Variants in BOK observed in about 807,000 individuals in gnomAD.
BOK encodes BCL2 family apoptosis regulator BOK.
In BOK, 20 loss-of-function variants were observed where a neutral mutation model predicts 18.3. The observed-to-expected ratio is 1.09, with a 90% CI of 0.77 to 1.59. The LOEUF is 1.59. Among genes scored for constraint, BOK ranks in the 40% most tolerant of loss-of-function variants. The pLI is 0.00. For synonymous variants in BOK, 173 were observed against 142.4 expected, an observed-to-expected ratio of 1.21 and a Z score of -1.53; for missense variants, 348 against 307.9, an observed-to-expected ratio of 1.13 and a Z score of -0.97.
chr2:241,552,649 T>C (rs544156594), intron 1 of BOK, among the ~76,000 whole-genome samples: 1 of 152,292 alleles, frequency 6.6e-6, no homozygotes, highest in African/African-American at 2.4e-5. Flanking sequence ...AAGTATGTAC[T>C]TTCCCCTGCA....
intron 3 of BOK, among the ~76,000 whole-genome samples, chr2:241,564,314 T>C (rs1005800145): frequency 4.6e-5 from 7 of 152,254 alleles, no homozygotes; most frequent in Non-Finnish European, 1.0e-4. Context: ...GGAACCAAGC[T>C]GGGTGCGGGC....
chr2:241,573,281 C>G lies in BOK; in HGVS notation c.*859C>G, dbSNP rs1157420909. On this transcript the variant is annotated 3_prime_UTR_variant, in exon 5 of 5. Coordinates refer to ENST00000318407, the MANE Select transcript of BOK (RefSeq NM_032515.5). ...GGTGAAGGGGCCCGGAACACCTCCT[C>G]TCACCTGAGCCCCAGGTGAAGGGGC... 11 of 149,208 alleles carry G rather than the reference C, an allele frequency of 7.4e-5. No homozygotes were observed. Among genetic ancestry groups the G allele is most frequent in the African/African-American group, 2.0e-4 (8 of 40,406 alleles). 9.2% of individuals were successfully genotyped at this position (149,208 alleles called of 1,614,324 possible). A position where few individuals can be genotyped will look rare whatever the true frequency, so the allele number is the denominator to read the frequency against.
At chr2:241,563,631 C>G (rs957005231) in intron 3 of BOK, among the ~76,000 whole-genome samples, 2 of 152,210 alleles carry the variant, frequency 1.3e-5, no homozygotes, top group Non-Finnish European at 2.9e-5. Flanking sequence ...GCCTTGCACA[C>G]CCTTGTCTGG....
chr2:241,570,297 C>G lies in BOK; in HGVS notation c.513+9C>G. ...GGAGACGCGGCGGATGGGTGAGCGC[C>G]TGAGTGCCCGTGTGGGTGGGAGAGC... On this transcript the variant is annotated intron_variant, in intron 4 of 4. Transcript: ENST00000318407. 6.5e-7 allele frequency: 1 copy of G among 1,548,380 alleles called. No homozygotes were observed.
Position 241,553,508 on chromosome 2 carries a change from G to A in BOK, n.54+2031G>A, listed in dbSNP as rs190871322. Among the ~76,000 whole-genome samples the A allele has an allele frequency of 7.9e-5, 12 of 152,326 alleles. No individual in the cohort carries two copies. In the East Asian group the frequency reaches 2.3e-3, roughly 29 times the overall value. Reference sequence around the variant, plus strand: ...TAATTGGCTCACGGTTCCACAGGCTGTACAGGAAGCATGGCTGGGAGGCCT... The same window carrying A: ...TAATTGGCTCACGGTTCCACAGGCTATACAGGAAGCATGGCTGGGAGGCCT... On this transcript the variant is annotated intron_variant and non_coding_transcript_variant, in intron 1 of 1. Coordinates refer to the BOK transcript ENST00000641230.
At chr2:241,571,860 G>A (rs1209492427) in intron 4 of BOK, among the ~76,000 whole-genome samples, 1 of 152,250 alleles carries the variant, frequency 6.6e-6, no homozygotes, top group Non-Finnish European at 1.5e-5. Context: ...AATGAAGCTG[G>A]GTTTGCCCCT....
At chr2:241,569,758 T>G (rs2066676510) in intron 3 of BOK, among the ~76,000 whole-genome samples, 1 of 152,210 alleles carries the variant, frequency 6.6e-6, no homozygotes, top group African/African-American at 2.4e-5. Context: ...GGCCTCAGCT[T>G]CTTTATGTGT....
chr2:241,565,574 C>G (rs74581455), intron 3 of BOK, among the ~76,000 whole-genome samples: 4 of 152,008 alleles, frequency 2.6e-5, no homozygotes, highest in African/African-American at 4.8e-5. Flanking sequence ...CTCTGACCCC[C>G]GGTCTTCCTC....
In BOK at chr2:241,562,214, A is replaced by G. The variant is rs75732445; in HGVS notation, c.221-134A>G. ...CAGATGGGGTCAAGTGGAGGTGGGA[A>G]TCAGACAAGTGAGGAACAGGCTGGA... On this transcript the variant is annotated intron_variant, in intron 2 of 4. Transcript: ENST00000318407. The surrounding 1 kb of genome is among the most constrained non-coding windows in gnomAD (Gnocchi z 4.5). 1,394 of 1,200,872 alleles carry G rather than the reference A, an allele frequency of 1.2e-3. 9 individuals carry two copies. In the African/African-American group the frequency reaches 0.02, roughly 17 times the overall value. 74.4% of individuals were successfully genotyped at this position (1,200,872 alleles called of 1,614,324 possible).
rs532578700 is a variant in BOK, at chr2:241,572,562, G to A, written c.*140G>A. On this transcript the variant is annotated 3_prime_UTR_variant, in exon 5 of 5. Transcript: ENST00000318407. ...GAGACCCCCTAAGCCCCGTTCCTCC[G>A]CAGACCCAGGCCCTCCGGAAGGGGT... The A allele has an allele frequency of 6.9e-6, 9 of 1,299,854 alleles. No individual in the cohort carries two copies. Among genetic ancestry groups the A allele is most frequent in the African/African-American group, 3.0e-5 (2 of 67,690 alleles). 80.5% of individuals were successfully genotyped at this position (1,299,854 alleles called of 1,614,324 possible). A position where few individuals can be genotyped will look rare whatever the true frequency, so the allele number is the denominator to read the frequency against.
intron 3 of BOK, among the ~76,000 whole-genome samples, chr2:241,566,059 T>C (rs896637983): frequency 6.6e-6 from 1 of 151,896 alleles, no homozygotes; most frequent in Non-Finnish European, 1.5e-5. Context: ...CCGAGGTGGG[T>C]GGATCACCTG....
At chr2:241,559,217 G>C (rs1297285027) in intron 1 of BOK, among the ~76,000 whole-genome samples, 3 of 151,692 alleles carry the variant, frequency 2.0e-5, no homozygotes, top group Non-Finnish European at 4.4e-5. Context: ...CGGCCCCGGA[G>C]CAAACCGCCG....
chr2:241,564,979 C>T (rs533543783), intron 3 of BOK, among the ~76,000 whole-genome samples: 19 of 152,196 alleles, frequency 1.2e-4, no homozygotes, highest in South Asian at 1.0e-3. Flanking sequence ...GAGGTGGGGG[C>T]GGTGCCTAGG....
Position 241,570,219 on chromosome 2 carries a change from C to T in BOK, c.444C>T (p.Ala148=), listed in dbSNP as rs1393700497. ...AGGCCCAGCCTGCCATGGTCCACGC[C>T]CTCGTGGACTGCCTGGGGGAGTTCG... ...VRQAQPAMVH[A]LVDCLGEFVR... is the part of the protein sequence containing the mutation. Residue 148 remains alanine, a synonymous_variant, in exon 4 of 5, where the codon GCC becomes GCT. Coordinates refer to ENST00000318407, the MANE Select transcript of BOK (RefSeq NM_032515.5). 3.7e-6 allele frequency: 6 copies of T among 1,602,430 alleles called. No homozygotes were observed. The highest frequency in any genetic ancestry group is 2.2e-5 in the East Asian group (1 of 44,540).
rs186824499 is a variant in BOK at position 241,552,165 on chromosome 2, C to T, written n.54+688C>T. Among the ~76,000 whole-genome samples the T allele has an allele frequency of 2.6e-3, 400 of 152,272 alleles. 1 individual carries two copies. The highest frequency in any genetic ancestry group is 4.5e-3 in the Non-Finnish European group (305 of 68,004). On this transcript the variant is annotated intron_variant and non_coding_transcript_variant, in intron 1 of 1. Transcript: ENST00000641230. ...CCTCAGGAGCATTTTGAAAGGAGAACGAGAGGTGTGGCCCACCCACAAGCG... is the reference window on the plus strand; with the variant it reads ...CCTCAGGAGCATTTTGAAAGGAGAATGAGAGGTGTGGCCCACCCACAAGCG...
At chr2:241,568,303 G>C (rs1229015113) in intron 3 of BOK, among the ~76,000 whole-genome samples, 5 of 151,792 alleles carry the variant, frequency 3.3e-5, no homozygotes, top group Non-Finnish European at 7.4e-5. Context: ...TGTGTTTTTA[G>C]TAGAGATGGG....
chr2:241,561,447 C>A (rs1360869069), intron 2 of BOK, among the ~76,000 whole-genome samples: 1 of 147,004 alleles, frequency 6.8e-6, no homozygotes, highest in Admixed American at 6.7e-5. Flanking sequence ...GCCCAGCCAG[C>A]CCAGGTGGGA....
chr2:241,557,745 C>T (rs1420554187), upstream of BOK, among the ~76,000 whole-genome samples: 1 of 152,074 alleles, frequency 6.6e-6, no homozygotes, highest in African/African-American at 2.4e-5. Context: ...TGATTATTGA[C>T]CCATTGATTA....
intron 2 of BOK, chr2:241,560,295 A>T: frequency 1.0e-6 from 1 of 982,684 alleles, no homozygotes; most frequent in Non-Finnish European, 1.2e-6. Context: ...GACCAGCCCC[A>T]CTGTGACTGT....
Sources: gnomAD v4.1 joint callset for allele counts (sites outside exome capture counted in the v4.1 genomes callset) on GRCh38, gnomAD v4.1.1 for gene constraint, Gnocchi (gnomAD v3.1) non-coding constraint, MANE v1.5 for transcripts, NCBI Gene and HGNC (gene_info 2026-07-23, HGNC 2026-07-21) for gene names.